The following B3GAT2 variants were observed in gnomAD, a reference collection of about 807,000 sequenced individuals.
The protein encoded by B3GAT2 is galactosylgalactosylxylosylprotein 3-beta-glucuronosyltransferase 2.
Under a neutral mutation model 27.8 loss-of-function variants are expected in B3GAT2, and 26 were observed. The ratio of observed to expected loss-of-function variants is 0.93; its 90% CI spans 0.68 to 1.30. B3GAT2 has a LOEUF of 1.30. Ranked by LOEUF, B3GAT2 falls within the 50% of genes most tolerant of loss-of-function variation. The pLI is 0.00. For synonymous variants in B3GAT2, 218 were observed against 195.1 expected, an observed-to-expected ratio of 1.12 and a Z score of -0.98; for missense variants, 458 against 459.0, an observed-to-expected ratio of 1.00 and a Z score of 0.02.
chr6:70,911,817 T>C (rs1175234294), intron 1 of B3GAT2, among the ~76,000 whole-genome samples: 2 of 152,226 alleles, frequency 1.3e-5, no homozygotes, highest in Non-Finnish European at 2.9e-5. Flanking sequence ...TGTTGTCTGA[T>C]TTCTTTCAGC....
intron 1 of B3GAT2, among the ~76,000 whole-genome samples, chr6:70,920,128 G>C (rs1469480541): frequency 2.6e-5 from 4 of 152,178 alleles, no homozygotes; most frequent in Non-Finnish European, 4.4e-5. Context: ...CTCAGCAATG[G>C]TGGACGCCGC....
chr6:70,863,459 G>C (rs1771798451), intron 2 of B3GAT2, among the ~76,000 whole-genome samples: 1 of 152,198 alleles, frequency 6.6e-6, no homozygotes, highest in African/African-American at 2.4e-5. Flanking sequence ...AGCATTAGCT[G>C]TAGGACTAGC....
At chr6:70,950,345 T>G (rs1765560112) in intron 1 of B3GAT2, among the ~76,000 whole-genome samples, 1 of 150,946 alleles carries the variant, frequency 6.6e-6, no homozygotes, top group Admixed American at 6.6e-5. Context: ...AGGAAAAAAG[T>G]AACAAAAGGT....
chr6:70,930,977 A>G (rs987553094), intron 1 of B3GAT2, among the ~76,000 whole-genome samples: 2 of 152,208 alleles, frequency 1.3e-5, no homozygotes, highest in African/African-American at 4.8e-5. Flanking sequence ...AATGTGGCAC[A>G]TATGCACCAT....
chr6:70,918,719 G>A (rs1472329070), intron 1 of B3GAT2, among the ~76,000 whole-genome samples: 2 of 152,012 alleles, frequency 1.3e-5, no homozygotes, highest in Non-Finnish European at 2.9e-5. Flanking sequence ...GTTGAATATC[G>A]GCCCCCTCTC....
Position 70,956,119 on chromosome 6 carries a change from G to C in B3GAT2, c.311C>G (p.Thr104Arg). Residue 104 changes from threonine to arginine, a missense_variant, in exon 1 of 4, where the codon ACG (threonine) becomes AGG (arginine). Coordinates refer to ENST00000230053, the MANE Select transcript of B3GAT2 (RefSeq NM_080742.3). ...GTGCAGCTGCGCCACCTGGCGGAAC[G>C]TGTTGGCCAGGCGGGTCAGCTCCGC... is the stretch of plus-strand genomic sequence containing the variant. ...QKAELTRLAN[T>R]FRQVAQLHWI... is the part of the protein sequence containing the mutation. The C allele has an allele frequency of 1.2e-6, 2 of 1,603,826 alleles. No homozygotes were observed. The highest frequency in any genetic ancestry group is 1.7e-6 in the Non-Finnish European group (2 of 1,175,708).
At chr6:70,886,883 A>G (rs371887535) in intron 2 of B3GAT2, among the ~76,000 whole-genome samples, 21 of 152,280 alleles carry the variant, frequency 1.4e-4, no homozygotes, top group African/African-American at 4.3e-4. Flanking sequence ...CTGTGGTTCT[A>G]TAAGTTGTTG....
chr6:70,901,020 CA>C (rs1055930438), intron 1 of B3GAT2, among the ~76,000 whole-genome samples: 2 of 152,202 alleles, frequency 1.3e-5, no homozygotes, highest in Middle Eastern at 3.4e-3. Flanking sequence ...AAGGGCAGTG[CA>C]AATATGATGA....
intron 2 of B3GAT2, among the ~76,000 whole-genome samples, chr6:70,886,530 G>C (rs1409238279): frequency 6.6e-6 from 1 of 152,146 alleles, no homozygotes; most frequent in East Asian, 1.9e-4. Flanking sequence ...AGAGCTGCTA[G>C]AATTGAGGTG....
rs548625349 is a variant in B3GAT2, at chr6:70,941,008, C to T, written c.591+14831G>A. ...CTCCATCTAAAATGTCCTTTAGATG[C>T]TTTTAGTTCTCTCACATCTCACTTC... On this transcript the variant is annotated intron_variant, in intron 1 of 3. Transcript: ENST00000230053. 3.3e-5 allele frequency among the ~76,000 whole-genome samples: 5 copies of T among 152,278 alleles called. No homozygotes were observed. The South Asian group carries it at 6.2e-4, about 19-fold the overall frequency.
At chr6:70,922,274 A>C (rs1023869386) in intron 1 of B3GAT2, among the ~76,000 whole-genome samples, 7 of 152,270 alleles carry the variant, frequency 4.6e-5, no homozygotes, top group Admixed American at 2.6e-4. Context: ...AATCAGAAAC[A>C]TTAACAATTT....
chr6:70,944,179 T>C (rs1310648150), intron 1 of B3GAT2, among the ~76,000 whole-genome samples: 1 of 152,182 alleles, frequency 6.6e-6, no homozygotes, highest in African/African-American at 2.4e-5. Context: ...CATTTCCATC[T>C]GAGGTACCGG....
At chr6:70,932,151 G>A (rs1271950491) in intron 1 of B3GAT2, among the ~76,000 whole-genome samples, 1 of 152,128 alleles carries the variant, frequency 6.6e-6, no homozygotes, top group Non-Finnish European at 1.5e-5. Flanking sequence ...AAAATAACAA[G>A]TGGTGGCTAA....
At chr6:70,902,837 A>C (rs1030116656) in intron 1 of B3GAT2, among the ~76,000 whole-genome samples, 1 of 152,074 alleles carries the variant, frequency 6.6e-6, no homozygotes, top group Non-Finnish European at 1.5e-5. Context: ...AATCTTAAAA[A>C]GTCAAACTCA....
chr6:70,898,284 A>C (rs1177884414), intron 1 of B3GAT2, among the ~76,000 whole-genome samples: 2 of 152,118 alleles, frequency 1.3e-5, no homozygotes, highest in Non-Finnish European at 2.9e-5. Flanking sequence ...TTGATGATTT[A>C]ATTCTTGAAT....
At chr6:70,931,533 A>G (rs953800198) in intron 1 of B3GAT2, among the ~76,000 whole-genome samples, 3 of 152,172 alleles carry the variant, frequency 2.0e-5, no homozygotes, top group Non-Finnish European at 2.9e-5. Flanking sequence ...ATGCTCCCAC[A>G]TATGGTCAGT....
At chr6:70,951,846 C>T (rs553563471) in intron 1 of B3GAT2, among the ~76,000 whole-genome samples, 5 of 152,070 alleles carry the variant, frequency 3.3e-5, no homozygotes, top group Non-Finnish European at 7.4e-5. Flanking sequence ...ATACAAGGGG[C>T]ACATTTCAGG....
At chr6:70,944,762 T>G (rs982786051) in intron 1 of B3GAT2, among the ~76,000 whole-genome samples, 1 of 152,184 alleles carries the variant, frequency 6.6e-6, no homozygotes, top group Admixed American at 6.5e-5. Flanking sequence ...ACAGGCAGAC[T>G]GCCTCCTCAA....
At chr6:70,903,571 T>C (rs746646547) in intron 1 of B3GAT2, among the ~76,000 whole-genome samples, 1 of 152,118 alleles carries the variant, frequency 6.6e-6, no homozygotes, top group African/African-American at 2.4e-5. Flanking sequence ...CATCAAGATA[T>C]ATGAATGACC....
Sources: gnomAD v4.1 joint callset for allele counts (sites outside exome capture counted in the v4.1 genomes callset) on GRCh38, gnomAD v4.1.1 for gene constraint, MANE v1.5 for transcripts, NCBI Gene and HGNC (gene_info 2026-07-23, HGNC 2026-07-21) for gene names.